TBX15: variants seen among roughly 807,000 people sequenced by gnomAD.
The protein encoded by TBX15 is T-box transcription factor 15.
Under a neutral mutation model 53.9 loss-of-function variants are expected in TBX15, and 18 were observed. The ratio of observed to expected loss-of-function variants is 0.33; its 90% CI spans 0.23 to 0.49. TBX15 has a LOEUF of 0.49. Among genes scored for constraint, TBX15 ranks in the 20% least tolerant of loss-of-function variants. TBX15 has a pLI of 0.98. For synonymous variants in TBX15, 295 were observed against 278.0 expected (o/e 1.06, Z -0.61); for missense variants, 692 against 749.5 (o/e 0.92, Z 0.90).
intron 1 of TBX15, among the ~76,000 whole-genome samples, chr1:118,980,826 G>T (rs1250973499): frequency 6.6e-6 from 1 of 151,650 alleles, no homozygotes. Context: ...ATTTTGACTG[G>T]TGCTTTTTTT....
chr1:118,989,490 G>A (rs75552845), upstream of TBX15: 3 of 152,320 alleles, frequency 2.0e-5, no homozygotes, highest in East Asian at 5.8e-4. Context: ...CCTAGACACA[G>A]CCCGATCTTC....
chr1:118,929,187 C>G (rs1655700397), intron 2 of TBX15, among the ~76,000 whole-genome samples: 1 of 152,204 alleles, frequency 6.6e-6, no homozygotes, highest in Non-Finnish European at 1.5e-5. Flanking sequence ...TTGGTACACT[C>G]AAAGACTGAG....
chr1:118,886,048 T>A (rs1005365166), intron 7 of TBX15, among the ~76,000 whole-genome samples: 5 of 152,120 alleles, frequency 3.3e-5, no homozygotes, highest in Non-Finnish European at 7.4e-5. Context: ...AATGGGGTAA[T>A]GGAAGACAGT....
chr1:118,944,423 C>T (rs191843737), intron 1 of TBX15, among the ~76,000 whole-genome samples: 56 of 152,332 alleles, frequency 3.7e-4, no homozygotes, highest in African/African-American at 1.3e-3. Context: ...CTTAATTCCA[C>T]TCATTCCATG....
intron 5 of TBX15, among the ~76,000 whole-genome samples, chr1:118,921,009 T>C (rs1282370799): frequency 6.6e-6 from 1 of 150,722 alleles, no homozygotes; most frequent in Non-Finnish European, 1.5e-5. Context: ...AGGCAATCTC[T>C]AAAAAAAAAT....
At chr1:118,943,887 C>T (rs1259937840) in intron 1 of TBX15, among the ~76,000 whole-genome samples, 4 of 152,150 alleles carry the variant, frequency 2.6e-5, no homozygotes, top group African/African-American at 9.7e-5. Context: ...TACAAGGGAA[C>T]ATGCCCAGTG....
At chr1:118,894,908 A>C (rs1203290309) in intron 7 of TBX15, among the ~76,000 whole-genome samples, 1 of 152,160 alleles carries the variant, frequency 6.6e-6, no homozygotes, top group Non-Finnish European at 1.5e-5. Context: ...GCTCTCCTAT[A>C]GCTAAAAAGG....
intron 1 of TBX15, among the ~76,000 whole-genome samples, chr1:118,975,251 A>T (rs920350785): frequency 6.6e-6 from 1 of 152,244 alleles, no homozygotes; most frequent in Non-Finnish European, 1.5e-5. Context: ...TCCAAAGACC[A>T]TGGCTTAGAA....
In TBX15 at chr1:118,975,772, G is replaced by C. The variant is rs115665249; in HGVS notation, c.205+11819C>G. Among the ~76,000 whole-genome samples, 681 of 152,330 alleles carry C rather than the reference G, an allele frequency of 4.5e-3. 4 individuals carry two copies. The highest frequency in any genetic ancestry group is 0.015 in the African/African-American group (643 of 41,580). On this transcript the variant is annotated intron_variant, in intron 1 of 7. Coordinates refer to ENST00000369429, the MANE Select transcript of TBX15 (RefSeq NM_001330677.2). ...TCTCAATCCATGAAAGCTACTGCTG[G>C]TTAGAGTTGTGGACACTGAGCAAAG...
chr1:118,956,045 G>T (rs967991143), intron 1 of TBX15, among the ~76,000 whole-genome samples: 1 of 152,060 alleles, frequency 6.6e-6, no homozygotes, highest in Admixed American at 6.5e-5. Context: ...AAGTGACCTC[G>T]CCCCTTCTAC....
chr1:118,938,444 C>T (rs920422085), intron 1 of TBX15, among the ~76,000 whole-genome samples: 1 of 152,200 alleles, frequency 6.6e-6, no homozygotes, highest in South Asian at 2.1e-4. Flanking sequence ...ATCCTGAGAA[C>T]AAAGCCTTTG....
chr1:118,989,184 C>A (rs146739661), upstream of TBX15, among the ~76,000 whole-genome samples: 2 of 152,340 alleles, frequency 1.3e-5, no homozygotes, highest in Admixed American at 1.3e-4. Context: ...AGAGAAGGAG[C>A]TTTTTCAAAA....
intron 5 of TBX15, 149 bp from the exon 6 acceptor site, chr1:118,914,328 T>C (rs1174123031): frequency 1.3e-5 from 11 of 836,762 alleles, no homozygotes; most frequent in Non-Finnish European, 2.1e-5. Context: ...TGAAGCTGGA[T>C]ATAGAACTTG....
At chr1:118,981,225 G>T (rs1055340459) in intron 1 of TBX15, among the ~76,000 whole-genome samples, 1 of 151,912 alleles carries the variant, frequency 6.6e-6, no homozygotes, top group African/African-American at 2.4e-5. Flanking sequence ...GGATGCTTTA[G>T]AATCGTCCCA....
intron 1 of TBX15, among the ~76,000 whole-genome samples, chr1:118,969,175 G>A (rs1440696003): frequency 6.6e-6 from 1 of 152,168 alleles, no homozygotes; most frequent in African/African-American, 2.4e-5. Context: ...TCAAAGGATA[G>A]ACCTCTCCCA....
At chr1:118,908,462 A>G (rs1179570632) in intron 6 of TBX15, among the ~76,000 whole-genome samples, 1 of 152,080 alleles carries the variant, frequency 6.6e-6, no homozygotes, top group African/African-American at 2.4e-5. Flanking sequence ...CAAGTAAGAG[A>G]AATCTCCCAG....
chr1:118,887,390 A>C (rs544433918), intron 7 of TBX15, among the ~76,000 whole-genome samples: 1 of 152,194 alleles, frequency 6.6e-6, no homozygotes, highest in South Asian at 2.1e-4. Flanking sequence ...AAAAACTAGC[A>C]GGGGTTGGGC....
Position 118,926,533 on chromosome 1 carries a change from C to A in TBX15, c.498G>T (p.Val166=), listed in dbSNP as rs1655600793. ...HQQYYIAMDI[V]PVDNKRYRYV... is the part of the protein sequence containing the mutation. The stretch of plus-strand genomic sequence containing the variant: ...ACCTGTATCTTTTATTGTCCACAGG[C>A]ACAATGTCCATTGCTATGTAGTACT... Residue 166 remains valine (V), a synonymous_variant, in exon 3 of 8, where the codon GTG becomes GTT. Transcript: ENST00000369429. The A allele has an allele frequency of 1.2e-6, 2 of 1,613,672 alleles. No homozygotes were observed. Among genetic ancestry groups the A allele is most frequent in the Admixed American group, 3.3e-5 (2 of 59,990 alleles).
intron 1 of TBX15, among the ~76,000 whole-genome samples, chr1:118,974,524 T>C (rs942557582): frequency 6.6e-6 from 1 of 152,172 alleles, no homozygotes; most frequent in Non-Finnish European, 1.5e-5. Flanking sequence ...GGAAGGTTAC[T>C]TGGAGTGGAG....
Sources: gnomAD v4.1 joint callset for allele counts (sites outside exome capture counted in the v4.1 genomes callset) on GRCh38, gnomAD v4.1.1 for gene constraint, MANE v1.5 for transcripts, NCBI Gene and HGNC (gene_info 2026-07-23, HGNC 2026-07-21) for gene names.